Variants in TM6SF1 observed in about 807,000 individuals in gnomAD.
The protein encoded by TM6SF1 is transmembrane 6 superfamily member 1.
A neutral mutation model predicts 47.1 loss-of-function variants in TM6SF1; 43 were observed. The ratio of observed to expected loss-of-function variants is 0.91; its 90% CI spans 0.72 to 1.18. TM6SF1 has a LOEUF of 1.18. TM6SF1 is among the 50% of genes most tolerant of loss of function. TM6SF1 has a pLI of 0.00. For missense variants in TM6SF1, 390 were observed against 449.0 expected (o/e 0.87, Z 1.19); for synonymous variants, 177 against 166.3 (o/e 1.06, Z -0.49).
At chr15:83,125,334 A>G (rs762693062) in intron 7 of TM6SF1, among the ~76,000 whole-genome samples, 23 of 151,994 alleles carry the variant, frequency 1.5e-4, no homozygotes, top group Admixed American at 6.6e-4. Context: ...CATGTTTTCT[A>G]TTTTCTCTTT....
At position 83,127,368 on chromosome 15, in the gene TM6SF1, A is replaced by T. The variant is rs758379606; in HGVS notation, c.812A>T (p.Tyr271Phe). ...CTCTGTTCAATACAGATGCTGGCAT[A>T]TATGTTCTATTCTGTTCCTTACTTT... ...AAYPKIQMLA[Y>F]MFYSVPYFVT... Residue 271 changes from tyrosine to phenylalanine, a missense_variant, in exon 9 of 10, where the codon TAT becomes TTT. Coordinates refer to ENST00000322019, the MANE Select transcript of TM6SF1 (RefSeq NM_023003.5). 1 of 1,612,742 alleles carries T rather than the reference A, an allele frequency of 6.2e-7. No individual in the cohort carries two copies. Among genetic ancestry groups the T allele is most frequent in the African/African-American group, 1.3e-5 (1 of 74,842 alleles).
At chr15:83,111,650 G>T in intron 1 of TM6SF1, 1 of 985,432 alleles carries the variant, frequency 1.0e-6, no homozygotes, top group Non-Finnish European at 1.2e-6. Flanking sequence ...GAGGAGTGGT[G>T]CTTGTAGCTG....
chr15:83,116,043 C>A, intron 3 of TM6SF1, 101 bp downstream of exon 3: 1 of 904,430 alleles, frequency 1.1e-6, no homozygotes, highest in Non-Finnish European at 1.8e-6. Context: ...TGAACAGGTA[C>A]GCTACGCAGG....
In TM6SF1 at chr15:83,112,903, A is replaced by G. The variant is rs1202922443; in HGVS notation, c.196+3A>G. 3 of 1,605,692 alleles carry G rather than the reference A, an allele frequency of 1.9e-6. No individual in the cohort carries two copies. The highest frequency in any genetic ancestry group is 1.6e-4 in the Middle Eastern group (1 of 6,066). ...ACCCCGGGACCCACTGTTCTATGGT[A>G]CGTCTCCACAAAGGGAAATCTTTTG... is the stretch of plus-strand genomic sequence containing the variant. On this transcript the variant is annotated splice_donor_region_variant and intron_variant, in intron 2 of 9. Transcript: ENST00000322019.
chr15:83,119,368 C>G (rs2035000839), intron 3 of TM6SF1, among the ~76,000 whole-genome samples: 1 of 152,236 alleles, frequency 6.6e-6, no homozygotes, highest in African/African-American at 2.4e-5. Flanking sequence ...CAGGCATTCT[C>G]TAATTCCATC....
At chr15:83,129,057 C>T (rs1056164374) in intron 9 of TM6SF1, 1 of 152,184 alleles carries the variant, frequency 6.6e-6, no homozygotes, top group African/African-American at 2.4e-5. Context: ...TCTCAAATGC[C>T]TGCTTCAAGT....
chr15:83,134,181 G>C (rs1392490097), intron 9 of TM6SF1: 1 of 151,856 alleles, frequency 6.6e-6, no homozygotes, highest in Non-Finnish European at 1.5e-5. Context: ...ATTAGACACA[G>C]TACCTGCCCA....
intron 9 of TM6SF1, 145 bp from the exon 10 acceptor site, chr15:83,136,336 T>C: frequency 7.5e-6 from 4 of 534,658 alleles, no homozygotes; most frequent in Non-Finnish European, 9.6e-6. Flanking sequence ...TTAAAGACTC[T>C]GGATTGTTTG....
At position 83,107,900 on chromosome 15, in the gene TM6SF1, G is replaced by T; in HGVS notation, c.92+128G>T. 12 of 1,314,620 alleles carry T rather than the reference G, an allele frequency of 9.1e-6. No homozygotes were observed. Among genetic ancestry groups the T allele is most frequent in the Non-Finnish European group, 1.2e-5 (12 of 1,031,902 alleles). The allele number at this position is 1,314,620 out of a possible 1,614,324, so 81.4% of individuals were successfully genotyped here. ...CGCGGGACAGAGGTTCGTGGCCGCA[G>T]GGGCTCCCCGCGCCTGGCCAGACTA... On this transcript the variant is annotated intron_variant, in intron 1 of 9. Transcript: ENST00000322019. The surrounding 1 kb of genome is among the most constrained non-coding windows in gnomAD (Gnocchi z 5.6).
At position 83,127,390 on chromosome 15, in the gene TM6SF1, C is replaced by T; in HGVS notation, c.834C>T (p.Tyr278=). The part of the protein sequence containing the change: ...MLAYMFYSVP[Y]FVTALYGLVV... ...CATATATGTTCTATTCTGTTCCTTA[C>T]TTTGTGACTGCACTGTATGGCTTAG... The change falls in exon 9 of 10, where the codon TAC becomes TAT. Residue 278 remains tyrosine, a synonymous_variant. Coordinates refer to ENST00000322019, the MANE Select transcript of TM6SF1 (RefSeq NM_023003.5). The T allele has an allele frequency of 6.2e-7, 1 of 1,613,910 alleles. No homozygotes were observed. Among genetic ancestry groups the T allele is most frequent in the Non-Finnish European group, 8.5e-7 (1 of 1,179,910 alleles).
At chr15:83,109,286 T>C (rs2033936249) in intron 1 of TM6SF1, among the ~76,000 whole-genome samples, 1 of 151,298 alleles carries the variant, frequency 6.6e-6, no homozygotes, top group African/African-American at 2.4e-5. Flanking sequence ...GGGGAAGGAA[T>C]TGGATGGGCG....
chr15:83,126,583 C>T (rs1324026666), intron 7 of TM6SF1, among the ~76,000 whole-genome samples, 172 bp from the exon 8 acceptor site: 1 of 152,158 alleles, frequency 6.6e-6, no homozygotes, highest in Non-Finnish European at 1.5e-5. Flanking sequence ...TTTGCTTAGT[C>T]TCCTTAGAAC....
intron 7 of TM6SF1, among the ~76,000 whole-genome samples, chr15:83,125,392 A>G (rs1394167624): frequency 6.6e-6 from 1 of 152,226 alleles, no homozygotes; most frequent in Admixed American, 6.5e-5. Context: ...CAGGCTTTGT[A>G]GTTAGAATCC....
chr15:83,132,749 A>G (rs1219135232), intron 9 of TM6SF1: 1 of 152,220 alleles, frequency 6.6e-6, no homozygotes, highest in Non-Finnish European at 1.5e-5. Context: ...AAAATCTGAA[A>G]GTAACAGTTT....
intron 4 of TM6SF1, 100 bp from the exon 5 acceptor site, chr15:83,121,815 ATGTACT>A: frequency 1.1e-5 from 9 of 809,640 alleles, no homozygotes; most frequent in Non-Finnish European, 1.8e-5. Flanking sequence ...GTTTTGATTG[ATGTACT>A]TTACTAGTTT....
At chr15:83,108,063 G>C (rs924633825) in intron 1 of TM6SF1, among the ~76,000 whole-genome samples, 2 of 152,184 alleles carry the variant, frequency 1.3e-5, no homozygotes, top group African/African-American at 4.8e-5. Flanking sequence ...CCATGCCCCT[G>C]CCCTGGAGGG....
At chr15:83,121,780 T>C (rs1658263222) in intron 4 of TM6SF1, 141 bp from the exon 5 acceptor site, 2 of 647,946 alleles carry the variant, frequency 3.1e-6, no homozygotes, top group African/African-American at 3.8e-5. Context: ...TCCTTGTGTT[T>C]GATTTATTCC....
chr15:83,133,760 G>A (rs1427117960), intron 9 of TM6SF1: 3 of 152,264 alleles, frequency 2.0e-5, no homozygotes, highest in Non-Finnish European at 4.4e-5. Context: ...AAAACCTGCA[G>A]CCCTTTATTA....
rs751400016 is a variant in TM6SF1 at position 83,119,615 on chromosome 15, T to G, written c.332T>G (p.Ile111Ser). The part of the protein sequence containing the change: ...PYLNTAYGHM[I>S]CYWDGSAHYL... Reference sequence around the variant, plus strand: ...CTGAACACCGCATATGGGCACATGATCTGCTACTGGGATGGCTCTGCTCAT... The same window carrying G: ...CTGAACACCGCATATGGGCACATGAGCTGCTACTGGGATGGCTCTGCTCAT... The change falls in exon 4 of 10, where the codon ATC becomes AGC. Residue 111 changes from isoleucine (I) to serine (S), a missense_variant. By Grantham distance (142) the Ile-to-Ser change is moderately radical (BLOSUM62 -2). Coordinates refer to ENST00000322019, the MANE Select transcript of TM6SF1 (RefSeq NM_023003.5). The G allele has an allele frequency of 6.2e-7, 1 of 1,614,248 alleles. No individual in the cohort carries two copies. Among genetic ancestry groups the G allele is most frequent in the Non-Finnish European group, 8.5e-7 (1 of 1,180,038 alleles).
Sources: gnomAD v4.1 joint callset for allele counts (sites outside exome capture counted in the v4.1 genomes callset) on GRCh38, gnomAD v4.1.1 for gene constraint, Gnocchi (gnomAD v3.1) non-coding constraint, MANE v1.5 for transcripts, NCBI Gene and HGNC (gene_info 2026-07-23, HGNC 2026-07-21) for gene names.